NIPBL: variants seen among roughly 807,000 people sequenced by gnomAD.
NIPBL encodes NIPBL cohesin loading factor, also known as nipped-B-like protein.
A neutral mutation model predicts 321.8 loss-of-function variants in NIPBL; 19 were observed. The ratio of observed to expected loss-of-function variants is 0.06; its 90% confidence interval spans 0.04 to 0.09. The LOEUF is 0.09. NIPBL is among the 10% of genes least tolerant of loss of function. NIPBL has a pLI of 1.00. For missense variants in NIPBL, 2,210 were observed against 3,327.0 expected, an observed-to-expected ratio of 0.66 and a Z score of 8.26; for synonymous variants, 1,106 against 1,114.1, an observed-to-expected ratio of 0.99 and a Z score of 0.14.
chr5:36,944,430 C>A (rs959421248), intron 1 of NIPBL, among the ~76,000 whole-genome samples: 3 of 151,982 alleles, frequency 2.0e-5, no homozygotes, highest in Admixed American at 2.0e-4. Context: ...TCCATGTTTT[C>A]GTACTAGATT....
At chr5:36,942,510 C>T (rs1580289517) in intron 1 of NIPBL, among the ~76,000 whole-genome samples, 1 of 145,342 alleles carries the variant, frequency 6.9e-6, no homozygotes. Flanking sequence ...GAGGCCAAAG[C>T]AGGCAGATCA....
chr5:36,892,955 G>A (rs1746455428), intron 1 of NIPBL, among the ~76,000 whole-genome samples: 1 of 152,082 alleles, frequency 6.6e-6, no homozygotes, highest in African/African-American at 2.4e-5. Flanking sequence ...TAAAAAAGTA[G>A]CATGGTGGAT....
At chr5:36,930,816 T>G (rs182599682) in intron 1 of NIPBL, among the ~76,000 whole-genome samples, 2 of 152,200 alleles carry the variant, frequency 1.3e-5, no homozygotes, top group East Asian at 3.8e-4. Context: ...TAGTTGCTAT[T>G]TCTATTAATA....
chr5:37,037,313 G>C (rs943744656), intron 33 of NIPBL, among the ~76,000 whole-genome samples: 3 of 150,996 alleles, frequency 2.0e-5, no homozygotes, highest in Admixed American at 6.6e-5. Context: ...GCATGAGCCC[G>C]GGAGGCAGAG....
intron 1 of NIPBL, among the ~76,000 whole-genome samples, chr5:36,940,269 G>A (rs1738914073): frequency 6.6e-6 from 1 of 152,164 alleles, no homozygotes; most frequent in African/African-American, 2.4e-5. Flanking sequence ...CAATTTTTAA[G>A]TGTGCCATGT....
At chr5:36,939,689 T>C (rs1210931212) in intron 1 of NIPBL, among the ~76,000 whole-genome samples, 1 of 152,162 alleles carries the variant, frequency 6.6e-6, no homozygotes, top group East Asian at 1.9e-4. Context: ...AAGTTCAAGA[T>C]TGAGGGGCCC....
At chr5:36,899,280 C>T (rs1747025489) in intron 1 of NIPBL, among the ~76,000 whole-genome samples, 1 of 152,060 alleles carries the variant, frequency 6.6e-6, no homozygotes, top group Non-Finnish European at 1.5e-5. Context: ...AAACTTAATA[C>T]CTCTTGTTTT....
intron 24 of NIPBL, among the ~76,000 whole-genome samples, chr5:37,018,637 T>C (rs376954941): frequency 6.6e-6 from 1 of 152,168 alleles, no homozygotes. Flanking sequence ...GAACCTCTTA[T>C]TGCCATGTAT....
chr5:36,936,996 A>G (rs538681198), intron 1 of NIPBL, among the ~76,000 whole-genome samples: 1 of 152,224 alleles, frequency 6.6e-6, no homozygotes, highest in East Asian at 1.9e-4. Flanking sequence ...TTCTTTCTAT[A>G]AAGGAGAATT....
chr5:36,974,326 T>C (rs1743205702), intron 8 of NIPBL, among the ~76,000 whole-genome samples: 1 of 152,206 alleles, frequency 6.6e-6, no homozygotes, highest in Admixed American at 6.5e-5. Context: ...TTTTGAAGGG[T>C]AAGTGCATTG....
intron 33 of NIPBL, among the ~76,000 whole-genome samples, chr5:37,037,971 C>T (rs1043924220): frequency 2.0e-5 from 3 of 149,196 alleles, no homozygotes; most frequent in African/African-American, 7.4e-5. Flanking sequence ...GCTTTTTTTC[C>T]CATATTCACT....
chr5:36,943,349 G>A (rs1217989471), intron 1 of NIPBL, among the ~76,000 whole-genome samples: 1 of 152,104 alleles, frequency 6.6e-6, no homozygotes, highest in East Asian at 1.9e-4. Context: ...AAGCACCGTA[G>A]ACCAAAAACT....
intron 16 of NIPBL, 115 bp downstream of exon 16, chr5:37,003,462 T>A: frequency 1.5e-6 from 1 of 657,452 alleles, no homozygotes; most frequent in Non-Finnish European, 2.8e-6. Flanking sequence ...CAGTCAACTG[T>A]GATCTGAAAG....
At position 37,057,145 on chromosome 5, in the gene NIPBL, A is replaced by G. The variant is rs1309988138; in HGVS notation, c.7264-41A>G. ...AAAGGTTTTTTGGTTGGGTTTCTAGATTATCCGCTAAACATGTGTGCTTTT... is the reference window on the plus strand; with the variant it reads ...AAAGGTTTTTTGGTTGGGTTTCTAGGTTATCCGCTAAACATGTGTGCTTTT... On this transcript the variant is annotated intron_variant, in intron 42 of 46. Coordinates refer to ENST00000282516, the MANE Select transcript of NIPBL (RefSeq NM_133433.4). 3.1e-6 allele frequency: 5 copies of G among 1,608,410 alleles called. No individual in the cohort carries two copies. The East Asian group carries it at 1.1e-4, about 36-fold the overall frequency.
chr5:36,988,501 CT>C (rs961872212), intron 10 of NIPBL, among the ~76,000 whole-genome samples: 17 of 147,942 alleles, frequency 1.1e-4, no homozygotes, highest in African/African-American at 3.5e-4. Context: ...GGATCCATAT[CT>C]TTTTTTTTTA....
At chr5:36,918,177 G>C (rs1017854373) in intron 1 of NIPBL, among the ~76,000 whole-genome samples, 77 of 152,112 alleles carry the variant, frequency 5.1e-4, no homozygotes, top group Non-Finnish European at 9.7e-4. Flanking sequence ...TCTTCCATTT[G>C]TTTGTATCCT....
intron 46 of NIPBL, 29 bp from the exon 47 acceptor site, chr5:37,064,498 G>T: frequency 6.2e-7 from 1 of 1,608,140 alleles, no homozygotes; most frequent in Non-Finnish European, 8.5e-7. Flanking sequence ...GTAACACTTG[G>T]TCTTTTTTCC....
Position 36,962,291 on chromosome 5 carries a change from TAA to T in NIPBL, c.610+18_610+19del. 6.2e-7 allele frequency: 1 copy of T among 1,613,904 alleles called. No homozygotes were observed. Among genetic ancestry groups the T allele is most frequent in the South Asian group, 1.1e-5 (1 of 91,074 alleles). ...TGCAACAAGGTAAGAAAGTTGTTTG[TAA>T]CTTCACTGGGAATGTCTAAGTGCTT... On this transcript the variant is annotated intron_variant, in intron 6 of 46. Transcript: ENST00000282516.
At chr5:36,892,794 G>A (rs921577905) in intron 1 of NIPBL, among the ~76,000 whole-genome samples, 3 of 151,940 alleles carry the variant, frequency 2.0e-5, no homozygotes, top group Non-Finnish European at 2.9e-5. Flanking sequence ...GTTGTGGGGT[G>A]GGGGGAGTGG....
Sources: allele counts gnomAD v4.1 joint callset (sites outside exome capture counted in the v4.1 genomes callset), GRCh38; gene constraint gnomAD v4.1.1; transcripts MANE v1.5; gene names NCBI Gene and HGNC (gene_info 2026-07-23, HGNC 2026-07-21).